FBXL7: variants seen among roughly 807,000 people sequenced by gnomAD.
FBXL7 encodes the protein F-box and leucine rich repeat protein 7, also known as F-box/LRR-repeat protein 7.
Under a neutral mutation model 38.3 loss-of-function variants are expected in FBXL7, and 12 were observed. The ratio of observed to expected loss-of-function variants is 0.31; its 90% CI spans 0.20 to 0.51. The LOEUF (loss-of-function observed/expected upper bound fraction) is 0.51. Among genes scored for constraint, FBXL7 ranks in the 20% least tolerant of loss-of-function variants. The pLI is 0.98. For missense variants in FBXL7, 567 were observed against 676.4 expected, an observed-to-expected ratio of 0.84 and a Z score of 1.79; for synonymous variants, 297 against 300.9, an observed-to-expected ratio of 0.99 and a Z score of 0.13.
intron 2 of FBXL7, among the ~76,000 whole-genome samples, chr5:15,650,759 C>T (rs571762197): frequency 6.6e-6 from 1 of 152,332 alleles, no homozygotes; most frequent in African/African-American, 2.4e-5. Context: ...TTTCTTTGCT[C>T]ATCCATAAGA....
intron 2 of FBXL7, among the ~76,000 whole-genome samples, chr5:15,711,766 A>AAAATT (rs1269584801): frequency 1.3e-5 from 2 of 152,218 alleles, no homozygotes; most frequent in Non-Finnish European, 2.9e-5. Flanking sequence ...TAAAATCCCC[A>AAAATT]AAATTACAAT....
chr5:15,607,911 G>T (rs1740084004), intron 1 of FBXL7, among the ~76,000 whole-genome samples: 1 of 152,158 alleles, frequency 6.6e-6, no homozygotes, highest in Non-Finnish European at 1.5e-5. Context: ...CCACTTGCGA[G>T]GAAATTAAAG....
intron 1 of FBXL7, 38 bp downstream of exon 1, chr5:15,500,751 TCC>T: frequency 6.3e-7 from 1 of 1,598,784 alleles, no homozygotes; most frequent in Non-Finnish European, 8.5e-7. Context: ...CCGGATCGCG[TCC>T]CTCCTCCCCT....
At chr5:15,725,312 A>G (rs1283615575) in intron 2 of FBXL7, among the ~76,000 whole-genome samples, 2 of 152,164 alleles carry the variant, frequency 1.3e-5, no homozygotes, top group African/African-American at 2.4e-5. Flanking sequence ...ACCATATCCC[A>G]TACATTTTGG....
intron 1 of FBXL7, among the ~76,000 whole-genome samples, chr5:15,511,553 G>A (rs936146256): frequency 1.3e-5 from 2 of 152,188 alleles, no homozygotes; most frequent in Non-Finnish European, 2.9e-5. Flanking sequence ...CAGATGCTAT[G>A]GGGAATTATC....
chr5:15,701,100 A>C (rs966863200), intron 2 of FBXL7, among the ~76,000 whole-genome samples: 4 of 152,146 alleles, frequency 2.6e-5, no homozygotes, highest in Non-Finnish European at 5.9e-5. Flanking sequence ...GAATTTTTTG[A>C]GTCAGGTTGG....
chr5:15,788,108 G>A lies in FBXL7; in HGVS notation c.128-139782G>A, dbSNP rs148667268. ...TCTGTCTGCACATGGCCTTCTTCCCGGTGTGTCTCTGTGTCCTCTCCTCTT... is the reference window on the plus strand; with the variant it reads ...TCTGTCTGCACATGGCCTTCTTCCCAGTGTGTCTCTGTGTCCTCTCCTCTT... On this transcript the variant is annotated intron_variant, in intron 2 of 3. Coordinates refer to ENST00000504595, the MANE Select transcript of FBXL7 (RefSeq NM_012304.5). 1.3e-3 allele frequency among the ~76,000 whole-genome samples: 196 copies of A among 152,154 alleles called. 1 individual carries two copies. The East Asian group carries it at 0.015, about 11-fold the overall frequency.
intron 2 of FBXL7, among the ~76,000 whole-genome samples, chr5:15,692,097 G>C (rs928485790): frequency 5.9e-5 from 9 of 152,100 alleles, no homozygotes; most frequent in African/African-American, 2.2e-4. Context: ...GGAAGTGAGA[G>C]CCTGAGCCCT....
chr5:15,547,127 T>C, intron 1 of FBXL7, among the ~76,000 whole-genome samples: 1 of 152,150 alleles, frequency 6.6e-6, no homozygotes, highest in Non-Finnish European at 1.5e-5. Flanking sequence ...GCATTTGAGG[T>C]TGCCCGAGGA....
chr5:15,813,002 G>A (rs1268157938), intron 2 of FBXL7, among the ~76,000 whole-genome samples: 1 of 152,186 alleles, frequency 6.6e-6, no homozygotes, highest in African/African-American at 2.4e-5. Context: ...CTTTACTGAA[G>A]ATGCTTATCA....
rs181991130 is a variant in FBXL7 at position 15,810,958 on chromosome 5, A to G, written c.128-116932A>G. Among the ~76,000 whole-genome samples, 10 of 152,288 alleles carry G rather than the reference A, an allele frequency of 6.6e-5. No individual in the cohort carries two copies. The East Asian group carries it at 7.7e-4, about 12-fold the overall frequency. On this transcript the variant is annotated intron_variant, in intron 2 of 3. Transcript: ENST00000504595. ...ACATATCGGCATTTTCATCCTTTCTATCTTTCCTAACAAAAGCAAACACAC... is the reference window on the plus strand; with the variant it reads ...ACATATCGGCATTTTCATCCTTTCTGTCTTTCCTAACAAAAGCAAACACAC...
chr5:15,871,867 G>T (rs1739980502), intron 2 of FBXL7, among the ~76,000 whole-genome samples: 1 of 152,120 alleles, frequency 6.6e-6, no homozygotes, highest in African/African-American at 2.4e-5. Flanking sequence ...CACACTTCAG[G>T]ATATTATTCA....
intron 3 of FBXL7, among the ~76,000 whole-genome samples, chr5:15,934,159 C>T (rs918407130): frequency 5.3e-5 from 8 of 152,114 alleles, no homozygotes; most frequent in African/African-American, 1.9e-4. Flanking sequence ...CATGCACCAC[C>T]ATACCTGGCT....
At chr5:15,894,948 T>C (rs1323426430) in intron 2 of FBXL7, among the ~76,000 whole-genome samples, 1 of 152,202 alleles carries the variant, frequency 6.6e-6, no homozygotes, top group African/African-American at 2.4e-5. Flanking sequence ...AAATAAGCCT[T>C]CCAAACAGTT....
intron 2 of FBXL7, among the ~76,000 whole-genome samples, chr5:15,655,504 AAAG>A (rs1229612768): frequency 2.6e-5 from 4 of 152,034 alleles, no homozygotes; most frequent in Non-Finnish European, 5.9e-5. Flanking sequence ...AAAAAAAAAA[AAAG>A]AAAAGAAAAG....
chr5:15,635,802 G>A lies in FBXL7; in HGVS notation c.127+19730G>A, dbSNP rs564073029. ...AGGACAAACCTGCTCAGACGTCTGC[G>A]TGGCCCTGGGAATGGGCAGTGAGGG... On this transcript the variant is annotated intron_variant, in intron 2 of 3. Coordinates refer to ENST00000504595, the MANE Select transcript of FBXL7 (RefSeq NM_012304.5). 1.1e-4 allele frequency among the ~76,000 whole-genome samples: 16 copies of A among 152,292 alleles called. No homozygotes were observed. The East Asian group carries it at 2.5e-3, about 24-fold the overall frequency.
At chr5:15,619,652 G>A (rs1740562912) in intron 2 of FBXL7, among the ~76,000 whole-genome samples, 1 of 152,118 alleles carries the variant, frequency 6.6e-6, no homozygotes, top group South Asian at 2.1e-4. Flanking sequence ...GGGAGCACAG[G>A]CAAGATTCTT....
At chr5:15,885,986 G>A (rs1389023764) in intron 2 of FBXL7, among the ~76,000 whole-genome samples, 3 of 152,002 alleles carry the variant, frequency 2.0e-5, no homozygotes, top group Non-Finnish European at 4.4e-5. Flanking sequence ...CTCTCAAAGT[G>A]CTGGGATTAT....
At chr5:15,702,235 C>CAAAA (rs34269968) in intron 2 of FBXL7, among the ~76,000 whole-genome samples, 2 of 137,122 alleles carry the variant, frequency 1.5e-5, no homozygotes, top group East Asian at 2.1e-4. Flanking sequence ...AGACTCCTCT[C>CAAAA]AAAAAAAAAA....
Sources: allele counts gnomAD v4.1 joint callset (sites outside exome capture counted in the v4.1 genomes callset), GRCh38; gene constraint gnomAD v4.1.1; transcripts MANE v1.5; gene names NCBI Gene and HGNC (gene_info 2026-07-23, HGNC 2026-07-21).